CDH9: variants seen among roughly 807,000 people sequenced by gnomAD.
CDH9 encodes the protein cadherin 9.
Under a neutral mutation model 70.9 loss-of-function variants are expected in CDH9, and 28 were observed. The observed-to-expected ratio is 0.40, with a 90% CI of 0.29 to 0.54. CDH9 has a LOEUF of 0.54. CDH9 is among the 20% of genes least tolerant of loss of function. The probability of loss-of-function intolerance (pLI) is 0.59; values close to 1 mark genes in which losing one functional copy is unlikely to be tolerated. For missense variants in CDH9, 874 were observed against 984.4 expected (o/e 0.89, Z 1.50); for synonymous variants, 409 against 343.1 (o/e 1.19, Z -2.12).
At chr5:27,025,336 G>A (rs1579519934) in intron 1 of CDH9, among the ~76,000 whole-genome samples, 1 of 152,044 alleles carries the variant, frequency 6.6e-6, no homozygotes, top group Admixed American at 6.6e-5. Context: ...CATATCAGGA[G>A]ATTCAAGAAA....
intron 1 of CDH9, among the ~76,000 whole-genome samples, chr5:27,038,197 A>C (rs1459749830): frequency 6.6e-6 from 1 of 152,004 alleles, no homozygotes; most frequent in African/African-American, 2.4e-5. Flanking sequence ...TCCATATGCA[A>C]ATATGAGGAC....
At chr5:26,974,723 T>C (rs973582877) in intron 2 of CDH9, among the ~76,000 whole-genome samples, 6 of 152,156 alleles carry the variant, frequency 3.9e-5, no homozygotes, top group African/African-American at 1.4e-4. Flanking sequence ...CTACTTAAGG[T>C]GTACAATATG....
At chr5:26,952,649 A>AAG (rs1309998079) in intron 2 of CDH9, among the ~76,000 whole-genome samples, 7 of 145,414 alleles carry the variant, frequency 4.8e-5, no homozygotes, top group South Asian at 2.2e-4. Context: ...AAAAAAAAAA[A>AAG]AAAAAAGAAA....
intron 1 of CDH9, among the ~76,000 whole-genome samples, chr5:27,032,713 C>T (rs144283795): frequency 2.0e-5 from 3 of 151,518 alleles, no homozygotes; most frequent in African/African-American, 4.8e-5. Flanking sequence ...AAAAGCAATA[C>T]TATTTAAACT....
At chr5:26,922,314 A>C (rs1741259759) in intron 2 of CDH9, among the ~76,000 whole-genome samples, 1 of 152,080 alleles carries the variant, frequency 6.6e-6, no homozygotes, top group African/African-American at 2.4e-5. Flanking sequence ...AAGGACACAT[A>C]AAGAAAGCAT....
intron 1 of CDH9, among the ~76,000 whole-genome samples, chr5:27,013,160 T>C (rs1742987000): frequency 6.6e-6 from 1 of 151,916 alleles, no homozygotes; most frequent in Non-Finnish European, 1.5e-5. Flanking sequence ...TAAATGGTCA[T>C]ATCCTAGGAA....
intron 7 of CDH9, among the ~76,000 whole-genome samples, chr5:26,891,912 C>T (rs1397543301): frequency 6.6e-6 from 1 of 152,096 alleles, no homozygotes; most frequent in Non-Finnish European, 1.5e-5. Context: ...CAGGGGCCTT[C>T]CCCACACAAC....
chr5:26,903,907 A>C, intron 5 of CDH9, 83 bp from the exon 6 acceptor site: 7 of 700,242 alleles, frequency 1.0e-5, no homozygotes, highest in Non-Finnish European at 1.4e-5. Flanking sequence ...ACTTAAATAC[A>C]TTAATTTTAA....
intron 11 of CDH9, among the ~76,000 whole-genome samples, chr5:26,884,304 T>G (rs1326441416): frequency 6.6e-6 from 1 of 152,148 alleles, no homozygotes; most frequent in Non-Finnish European, 1.5e-5. Context: ...ATGACTGTCT[T>G]TGTGTGTATG....
intron 1 of CDH9, among the ~76,000 whole-genome samples, chr5:26,993,831 C>A (rs150077071): frequency 6.6e-6 from 1 of 150,794 alleles, no homozygotes; most frequent in African/African-American, 2.4e-5. Flanking sequence ...CAGATAGTTT[C>A]TTCACAGGGC....
intron 2 of CDH9, among the ~76,000 whole-genome samples, chr5:26,960,692 T>C (rs1285033257): frequency 1.3e-5 from 2 of 152,010 alleles, no homozygotes. Flanking sequence ...TTTAGATAAT[T>C]ATAATTGTAA....
chr5:26,944,419 G>A (rs1362798439), intron 2 of CDH9, among the ~76,000 whole-genome samples: 3 of 152,150 alleles, frequency 2.0e-5, no homozygotes, highest in Non-Finnish European at 2.9e-5. Context: ...GGGAGGCTGG[G>A]GCAAGAGGAT....
intron 1 of CDH9, among the ~76,000 whole-genome samples, chr5:26,992,899 C>G (rs568552431): frequency 6.6e-6 from 1 of 152,116 alleles, no homozygotes; most frequent in South Asian, 2.1e-4. Context: ...GAGTTCGAGA[C>G]CAGCCTGACC....
At chr5:26,897,284 A>C (rs1191145030) in intron 7 of CDH9, among the ~76,000 whole-genome samples, 2 of 152,100 alleles carry the variant, frequency 1.3e-5, no homozygotes, top group Non-Finnish European at 2.9e-5. Flanking sequence ...TATTCCAAAC[A>C]ATAGAAAAAG....
intron 3 of CDH9, among the ~76,000 whole-genome samples, chr5:26,907,214 A>C (rs950319632): frequency 1.1e-4 from 16 of 152,280 alleles, no homozygotes; most frequent in African/African-American, 3.8e-4. Flanking sequence ...CATGTATTTA[A>C]AAGATAAATC....
At chr5:27,012,801 T>C (rs1446238721) in intron 1 of CDH9, among the ~76,000 whole-genome samples, 1 of 152,026 alleles carries the variant, frequency 6.6e-6, no homozygotes, top group African/African-American at 2.4e-5. Flanking sequence ...TAGAACTCAG[T>C]AAAATTACAA....
intron 2 of CDH9, among the ~76,000 whole-genome samples, chr5:26,942,248 C>T (rs924289046): frequency 6.6e-6 from 1 of 152,140 alleles, no homozygotes; most frequent in Admixed American, 6.5e-5. Context: ...CTCAGTATCA[C>T]AAGAACAGCA....
chr5:27,010,255 C>A (rs1370086491), intron 1 of CDH9, among the ~76,000 whole-genome samples: 1 of 152,030 alleles, frequency 6.6e-6, no homozygotes, highest in Non-Finnish European at 1.5e-5. Context: ...TCACTGGTAA[C>A]CCCCATTCTA....
At chr5:26,922,587 G>C (rs1741264085) in intron 2 of CDH9, among the ~76,000 whole-genome samples, 1 of 151,998 alleles carries the variant, frequency 6.6e-6, no homozygotes, top group Non-Finnish European at 1.5e-5. Flanking sequence ...TACAAGAAAT[G>C]CTAAAGGGAG....
Sources: allele counts gnomAD v4.1 joint callset (sites outside exome capture counted in the v4.1 genomes callset), GRCh38; gene constraint gnomAD v4.1.1; transcripts MANE v1.5; gene names NCBI Gene and HGNC (gene_info 2026-07-23, HGNC 2026-07-21).